Variants in HGF observed in about 807,000 individuals in gnomAD.
HGF encodes the protein hepatocyte growth factor, also known as fibroblast-derived tumor cytotoxic factor.
A neutral mutation model predicts 111.6 loss-of-function variants in HGF; 39 were observed. That is an observed-to-expected ratio of 0.35 (90% confidence interval 0.27 to 0.46). HGF has a LOEUF of 0.46. Among genes scored for constraint, HGF ranks in the 20% least tolerant of loss-of-function variants. The pLI is 1.00. For synonymous variants in HGF, 285 were observed against 294.8 expected (o/e 0.97, Z 0.34); for missense variants, 735 against 910.5 (o/e 0.81, Z 2.48).
At position 81,699,122 on chromosome 7, in the gene HGF, T is replaced by G. The variant is rs1258988637; in HGVS notation, c.*3459A>C. 2 of 151,508 alleles carry G rather than the reference T, an allele frequency of 1.3e-5. No homozygotes were observed. The highest frequency in any genetic ancestry group is 3.0e-5 in the Non-Finnish European group (2 of 67,622). 9.4% of individuals were successfully genotyped at this position (151,508 alleles called of 1,614,324 possible). ...AGTCATAACCACAGTGTTCCCTTTT[T>G]TGGGTAAGCATACAGCTATACCACT... On this transcript the variant is annotated 3_prime_UTR_variant, in exon 18 of 18. Transcript: ENST00000222390.
At chr7:81,709,404 C>T (rs1379180324) in intron 13 of HGF, among the ~76,000 whole-genome samples, 1 of 152,006 alleles carries the variant, frequency 6.6e-6, no homozygotes, top group African/African-American at 2.4e-5. Flanking sequence ...TTTTAGCATT[C>T]CAATTAACAT....
intron 2 of HGF, among the ~76,000 whole-genome samples, chr7:81,761,042 T>A (rs961639644): frequency 2.0e-5 from 3 of 152,154 alleles, no homozygotes; most frequent in South Asian, 2.1e-4. Flanking sequence ...AGAGAGCTTA[T>A]TTTCAAAGTT....
intron 6 of HGF, among the ~76,000 whole-genome samples, chr7:81,744,616 T>A (rs1184483109): frequency 6.6e-6 from 1 of 152,200 alleles, no homozygotes; most frequent in African/African-American, 2.4e-5. Flanking sequence ...TGGTCATTAC[T>A]GAATTGGTCC....
chr7:81,742,939 A>G, intron 7 of HGF: 1 of 1,613,346 alleles, frequency 6.2e-7, no homozygotes, highest in Non-Finnish European at 8.5e-7. Context: ...TTGAGAGCCC[A>G]TGTTATGTCT....
intron 2 of HGF, among the ~76,000 whole-genome samples, chr7:81,761,258 G>C (rs1167649379): frequency 6.6e-6 from 1 of 152,130 alleles, no homozygotes; most frequent in African/African-American, 2.4e-5. Flanking sequence ...AATTATCATA[G>C]GAATATACTT....
chr7:81,741,938 C>A (rs1186207105), intron 7 of HGF, among the ~76,000 whole-genome samples: 88 of 46,306 alleles, frequency 1.9e-3, no homozygotes, highest in Non-Finnish European at 2.1e-3. Flanking sequence ...AACTCCATCT[C>A]AAAAAAAAAA....
chr7:81,718,375 A>G (rs1789768196), intron 10 of HGF, among the ~76,000 whole-genome samples: 1 of 152,086 alleles, frequency 6.6e-6, no homozygotes, highest in African/African-American at 2.4e-5. Flanking sequence ...CATTTGTGGA[A>G]ATTGAAATCC....
At chr7:81,763,078 T>G (rs1159313366) in intron 1 of HGF, 1 of 550,086 alleles carries the variant, frequency 1.8e-6, no homozygotes, top group East Asian at 3.0e-5. Context: ...AAATAACTTG[T>G]CATGTAGAGT....
intron 5 of HGF, 142 bp downstream of exon 5, chr7:81,751,978 T>G: frequency 1.4e-6 from 2 of 1,452,916 alleles, no homozygotes. Context: ...TGTATAAAAA[T>G]GTTTAAATAA....
chr7:81,762,966 A>G (rs1462457296), intron 1 of HGF, 94 bp from the exon 2 acceptor site: 1 of 774,206 alleles, frequency 1.3e-6, no homozygotes, highest in Non-Finnish European at 2.2e-6. Context: ...TCTACAAGAA[A>G]GTGATTTTAC....
intron 12 of HGF, 116 bp downstream of exon 12, chr7:81,711,365 T>C: frequency 1.9e-6 from 1 of 527,234 alleles, no homozygotes; most frequent in South Asian, 3.8e-5. Context: ...ATAAATAGAT[T>C]AACTTCTTTT....
rs150540835 is a variant in HGF at position 81,754,483 on chromosome 7, C to A, written c.483-2221G>T. On this transcript the variant is annotated intron_variant, in intron 4 of 17. Transcript: ENST00000222390. ...TTAATAAGTCAACAATTTATTAGGA[C>A]AAATACAGGTAGAAAGGAAGAGAGA... is the stretch of plus-strand genomic sequence containing the variant. Among the ~76,000 whole-genome samples the A allele has an allele frequency of 6.0e-3, 904 of 151,782 alleles. 11 individuals are homozygous for A. The highest frequency in any genetic ancestry group is 0.028 in the South Asian group (134 of 4,814).
chr7:81,758,737 C>A lies in HGF; in HGVS notation c.322G>T (p.Val108Leu), dbSNP rs2116201974. The A allele has an allele frequency of 6.2e-7, 1 of 1,613,132 alleles. No individual in the cohort carries two copies. The highest frequency in any genetic ancestry group is 1.7e-5 in the Admixed American group (1 of 59,998). The change falls in exon 3 of 18, where the codon GTG becomes TTG. Residue 108 changes from valine (V) to leucine (L), a missense_variant. Around this residue, in one of 3 missense-constraint regions of HGF, gnomAD observed 553 missense variants for 685.6 expected, o/e 0.81. Transcript: ENST00000222390. Reference protein sequence around the residue: ...WFPFNSMSSGVKKEFGHEFDL... With the variant: ...WFPFNSMSSGLKKEFGHEFDL... ...AATTCATGGCCAAATTCTTTTTTCACTCCACTTGACATGCTATTGAAGGGG... is the reference window on the plus strand; with the variant it reads ...AATTCATGGCCAAATTCTTTTTTCAATCCACTTGACATGCTATTGAAGGGG...
At chr7:81,765,052 A>G (rs1191092989) in intron 1 of HGF, among the ~76,000 whole-genome samples, 2 of 152,194 alleles carry the variant, frequency 1.3e-5, no homozygotes, top group Middle Eastern at 3.4e-3. Flanking sequence ...TATATTAACT[A>G]AAAATATAAA....
In HGF at chr7:81,707,457, A is replaced by G. The variant is rs967954426; in HGVS notation, c.1542-93T>C. On this transcript the variant is annotated intron_variant, in intron 13 of 17. Coordinates refer to ENST00000222390, the MANE Select transcript of HGF (RefSeq NM_000601.6). ...GCCTGTGGCTCCATTTGTTAAAAAT[A>G]AATACACTGCAGAGGAAAATATAGA... The G allele has an allele frequency of 9.3e-6, 7 of 755,676 alleles. No homozygotes were observed. The African/African-American group carries it at 1.0e-4, about 11-fold the overall frequency. The allele number at this position is 755,676 out of a possible 1,614,324, so 46.8% of individuals were successfully genotyped here. A position where few individuals can be genotyped will look rare whatever the true frequency, so the allele number is the denominator to read the frequency against.
intron 2 of HGF, among the ~76,000 whole-genome samples, chr7:81,760,495 A>T: frequency 6.6e-6 from 1 of 152,082 alleles, no homozygotes; most frequent in Admixed American, 6.6e-5. Flanking sequence ...CTTCTTTGGT[A>T]TTTTATAAGT....
Position 81,762,805 on chromosome 7 carries a change from T to C in HGF, c.156A>G (p.Lys52=), listed in dbSNP as rs774007780. The C allele has an allele frequency of 6.2e-7, 1 of 1,603,930 alleles. No homozygotes were observed. The highest frequency in any genetic ancestry group is 1.1e-5 in the South Asian group (1 of 90,870). The change falls in exon 2 of 18, where the codon AAA becomes AAG. Residue 52 remains lysine (K), a synonymous_variant. Coordinates refer to ENST00000222390, the MANE Select transcript of HGF (RefSeq NM_000601.6). ...FKKSAKTTLI[K]IDPALKIKTK... is the part of the protein sequence containing the mutation. ...TTTTTATCTTCAGTGCTGGATCTAT[T>C]TTGATTAGGGTAGTCTTTGCTGATT...
chr7:81,750,422 T>A (rs779330590), intron 5 of HGF, among the ~76,000 whole-genome samples: 17 of 152,254 alleles, frequency 1.1e-4, no homozygotes, highest in Non-Finnish European at 2.2e-4. Context: ...ACCAATAGCA[T>A]CATGTGCCAT....
At chr7:81,713,773 C>A (rs1439833986) in intron 11 of HGF, among the ~76,000 whole-genome samples, 2 of 151,956 alleles carry the variant, frequency 1.3e-5, no homozygotes, top group African/African-American at 2.4e-5. Flanking sequence ...ACTTTCTATG[C>A]CTTTTCCATT....
Sources: gnomAD v4.1 joint callset for allele counts (sites outside exome capture counted in the v4.1 genomes callset) on GRCh38, gnomAD v4.1.1 for gene constraint, gnomAD v4.1.1 regional missense constraint, MANE v1.5 for transcripts, NCBI Gene and HGNC (gene_info 2026-07-23, HGNC 2026-07-21) for gene names.